The following MYRF variants were observed in gnomAD, a reference collection of about 807,000 sequenced individuals.
MYRF encodes myelin gene regulatory factor.
MYRF carries 16 observed loss-of-function variants against 126.3 expected under a neutral mutation model. That is an observed-to-expected ratio of 0.13 (90% CI 0.09 to 0.19). The LOEUF is 0.19. Among genes scored for constraint, MYRF ranks in the 10% least tolerant of loss-of-function variants. The pLI is 1.00. For missense variants in MYRF, 1,104 were observed against 1,547.0 expected (o/e 0.71, Z 4.80); for synonymous variants, 608 against 635.3 (o/e 0.96, Z 0.65).
intron 14 of MYRF, 82 bp from the exon 15 acceptor site, chr11:61,779,180 CT>C: frequency 2.8e-6 from 4 of 1,433,666 alleles, no homozygotes; most frequent in Admixed American, 4.5e-5. Flanking sequence ...CTCCTGCCCC[CT>C]GATGTCTGGC....
At position 61,764,253 on chromosome 11, in the gene MYRF, G is replaced by A. The variant is rs1350959789; in HGVS notation, c.47-1372G>A. 2.0e-5 allele frequency among the ~76,000 whole-genome samples: 3 copies of A among 152,242 alleles called. No individual in the cohort carries two copies. In the East Asian group the frequency reaches 5.8e-4, roughly 29 times the overall value. ...TTGAAATGCCGGCTGAGGCCAGGGA[G>A]GGGCCTGGGCGGGGGGCTCCCGGGG... On this transcript the variant is annotated intron_variant, in intron 1 of 26. Coordinates refer to ENST00000278836, the MANE Select transcript of MYRF (RefSeq NM_001127392.3).
chr11:61,778,370 C>G lies in MYRF; in HGVS notation c.1904-10C>G. The G allele has an allele frequency of 6.2e-7, 1 of 1,604,502 alleles. No homozygotes were observed. Among genetic ancestry groups the G allele is most frequent in the Non-Finnish European group, 8.5e-7 (1 of 1,171,374 alleles). On this transcript the variant is annotated splice_polypyrimidine_tract_variant and intron_variant, in intron 13 of 26. Coordinates refer to ENST00000278836, the MANE Select transcript of MYRF (RefSeq NM_001127392.3). The surrounding 1 kb of genome is among the most constrained non-coding windows in gnomAD (Gnocchi z 4.6). ...CCCCCACCCATCTTTGGCTTGTCCCCTGCCCCCAGGTGTCATCGCTCAGGA... is the reference window on the plus strand; with the variant it reads ...CCCCCACCCATCTTTGGCTTGTCCCGTGCCCCCAGGTGTCATCGCTCAGGA...
In MYRF at chr11:61,784,223, G is replaced by A. The variant is rs560181007; in HGVS notation, c.3195-57G>A. ...GCGTGTGGCAGGCTGGCTGGGAGGG[G>A]GCTGGGGTTGAGGGACTCTAGAACC... On this transcript the variant is annotated intron_variant, in intron 24 of 26. Transcript: ENST00000278836. The A allele has an allele frequency of 3.4e-5, 51 of 1,515,832 alleles. 1 individual carries two copies. The South Asian group carries it at 3.8e-4, about 11-fold the overall frequency. The allele number at this position is 1,515,832 out of a possible 1,614,324, so 93.9% of individuals were successfully genotyped here.
chr11:61,762,729 G>A (rs903513136), intron 1 of MYRF, among the ~76,000 whole-genome samples: 2 of 152,132 alleles, frequency 1.3e-5, no homozygotes, highest in African/African-American at 2.4e-5. Flanking sequence ...GAGACGACGC[G>A]GCCTCCAGGG....
intron 1 of MYRF, among the ~76,000 whole-genome samples, chr11:61,758,540 C>T (rs2065820892): frequency 6.6e-6 from 1 of 152,180 alleles, no homozygotes; most frequent in African/African-American, 2.4e-5. Flanking sequence ...TGGCCACTAA[C>T]CTAACCCATG....
chr11:61,781,513 C>T (rs762622213), intron 21 of MYRF, 60 bp from the exon 22 acceptor site: 11 of 1,576,664 alleles, frequency 7.0e-6, no homozygotes, highest in Non-Finnish European at 9.5e-6. Flanking sequence ...GCCCTAGAGA[C>T]AGCTGGACAG....
At chr11:61,764,737 C>T (rs909240972) in intron 1 of MYRF, among the ~76,000 whole-genome samples, 3 of 152,224 alleles carry the variant, frequency 2.0e-5, no homozygotes, top group African/African-American at 4.8e-5. Flanking sequence ...GCACCTCCCC[C>T]GTCCTCCCTC....
chr11:61,777,915 C>T lies in MYRF; in HGVS notation c.1903+70C>T. 1 of 1,241,598 alleles carries T rather than the reference C, an allele frequency of 8.1e-7. No homozygotes were observed. Among genetic ancestry groups the T allele is most frequent in the South Asian group, 1.3e-5 (1 of 77,746 alleles). The allele number at this position is 1,241,598 out of a possible 1,614,324, so 76.9% of individuals were successfully genotyped here. ...CCTCGGGCCTCAGTGACCTTGCCCC[C>T]TGTCACCTGGAAATCCTACTCCTCT... On this transcript the variant is annotated intron_variant, in intron 13 of 26. Coordinates refer to ENST00000278836, the MANE Select transcript of MYRF (RefSeq NM_001127392.3). This position sits in a 1 kb window ranked among gnomAD's most constrained non-coding sequence, Gnocchi z 8.8.
intron 7 of MYRF, among the ~76,000 whole-genome samples, chr11:61,772,405 C>G (rs1021219370): frequency 6.6e-6 from 1 of 152,228 alleles, no homozygotes; most frequent in Non-Finnish European, 1.5e-5. Flanking sequence ...CTTTCCAGGC[C>G]GCAGGCCGGG....
Position 61,752,772 on chromosome 11 carries a change from C to T in MYRF, c.28C>T (p.Leu10=), listed in dbSNP as rs537600239. Residue 10 remains leucine (L), a synonymous_variant, in exon 1 of 27, where the codon CTG becomes TTG. Transcript: ENST00000278836. ...GGAGGTGGTGGACGAGACGGAGGCG[C>T]TGCAGCGCTTCTTCGAAGGTGAGAG... MEVVDETEA[L]QRFFEGHDIN... is the part of the protein sequence containing the mutation. 2.0e-6 allele frequency: 3 copies of T among 1,487,926 alleles called. No individual in the cohort carries two copies. In the South Asian group the frequency reaches 3.9e-5, roughly 19 times the overall value. The allele number at this position is 1,487,926 out of a possible 1,614,324, so 92.2% of individuals were successfully genotyped here.
Position 61,770,145 on chromosome 11 carries a change from C to T in MYRF, c.461-101C>T, listed in dbSNP as rs1591101542. 34 of 1,243,370 alleles carry T rather than the reference C, an allele frequency of 2.7e-5. No homozygotes were observed. In the East Asian group the frequency reaches 8.8e-4, roughly 32 times the overall value. 77.0% of individuals were successfully genotyped at this position (1,243,370 alleles called of 1,614,324 possible). A position where few individuals can be genotyped will look rare whatever the true frequency, so the allele number is the denominator to read the frequency against. On this transcript the variant is annotated intron_variant, in intron 4 of 26. Transcript: ENST00000278836. Reference sequence around the variant, plus strand: ...TGGGGGGCAGCCCCCGGGCTTGGCTCAGGACGGGGTGGAAGCAGGAGACTC... The same window carrying T: ...TGGGGGGCAGCCCCCGGGCTTGGCTTAGGACGGGGTGGAAGCAGGAGACTC...
intron 1 of MYRF, among the ~76,000 whole-genome samples, chr11:61,761,129 A>G (rs1490774942): frequency 6.6e-6 from 1 of 152,092 alleles, no homozygotes; most frequent in African/African-American, 2.4e-5. Context: ...TTGGGGCATG[A>G]ATTGACAAGT....
chr11:61,776,723 G>C lies in MYRF; in HGVS notation c.1500-64G>C. 1 of 1,316,444 alleles carries C rather than the reference G, an allele frequency of 7.6e-7. No homozygotes were observed. The highest frequency in any genetic ancestry group is 1.1e-6 in the Non-Finnish European group (1 of 950,028). 81.5% of individuals were successfully genotyped at this position (1,316,444 alleles called of 1,614,324 possible). A position where few individuals can be genotyped will look rare whatever the true frequency, so the allele number is the denominator to read the frequency against. ...GTGAGATGAACATGCATCTGGCCAG[G>C]GAAAGGGTGGCCCTGGGGGCGGGGG... On this transcript the variant is annotated intron_variant, in intron 10 of 26. Transcript: ENST00000278836. The surrounding 1 kb of genome is among the most constrained non-coding windows in gnomAD (Gnocchi z 4.3).
chr11:61,765,764 T>C, intron 2 of MYRF, 52 bp downstream of exon 2: 1 of 1,547,092 alleles, frequency 6.5e-7, no homozygotes, highest in South Asian at 1.2e-5. Context: ...GCCCTTCGCC[T>C]CCCTTCTGTC....
intron 7 of MYRF, among the ~76,000 whole-genome samples, chr11:61,772,937 T>C (rs1407570053): frequency 2.0e-5 from 3 of 151,560 alleles, no homozygotes; most frequent in African/African-American, 7.3e-5. Context: ...CACTGGGCAC[T>C]CCTGTGACCA....
At chr11:61,784,090 A>G in intron 24 of MYRF, 165 bp downstream of exon 24, 1 of 1,010,466 alleles carries the variant, frequency 9.9e-7, no homozygotes, top group East Asian at 2.6e-5. Context: ...AACTGGCTAA[A>G]TGACCTGGCC....
Position 61,771,543 on chromosome 11 carries a change from C to G in MYRF, c.784C>G (p.Pro262Ala), listed in dbSNP as rs144545667. 7.4e-6 allele frequency: 12 copies of G among 1,614,002 alleles called. No individual in the cohort carries two copies. The highest frequency in any genetic ancestry group is 4.4e-5 in the South Asian group (4 of 91,078). Residue 262 changes from proline to alanine, a missense_variant, in exon 6 of 27, where the codon CCC becomes GCC. Transcript: ENST00000278836. ...CAAGAAGAGGAAGCACTCTGAATCC[C>G]CCCCCAGCACCCTCAATGCCCAGAT... ...PSKKRKHSES[P>A]PSTLNAQMLN...
At chr11:61,784,547 G>A (rs897748215) in intron 25 of MYRF, 162 bp downstream of exon 25, 7 of 616,742 alleles carry the variant, frequency 1.1e-5, no homozygotes, top group Middle Eastern at 8.6e-4. Context: ...CCCAGGGAGG[G>A]GCACGCGTGC....
chr11:61,776,115 G>T lies in MYRF; in HGVS notation c.1371G>T (p.Arg457=), dbSNP rs1302661924. 1 of 1,614,046 alleles carries T rather than the reference G, an allele frequency of 6.2e-7. No homozygotes were observed. Among genetic ancestry groups the T allele is most frequent in the East Asian group, 2.2e-5 (1 of 44,882 alleles). Residue 457 remains arginine (R), a synonymous_variant, in exon 9 of 27, where the codon CGG becomes CGT. Transcript: ENST00000278836. The surrounding 1 kb of genome is among the most constrained non-coding windows in gnomAD (Gnocchi z 4.3). ...IEQSQSDRSK[R]PFNPVTVNLP... is the part of the protein sequence containing the mutation. ...AGTCCCAGTCAGACCGGAGCAAGCG[G>T]CCCTTCAACCCGGTCACGTGAGTGT...
Sources: gnomAD v4.1 joint callset for allele counts (sites outside exome capture counted in the v4.1 genomes callset) on GRCh38, gnomAD v4.1.1 for gene constraint, Gnocchi (gnomAD v3.1) non-coding constraint, MANE v1.5 for transcripts, NCBI Gene and HGNC (gene_info 2026-07-23, HGNC 2026-07-21) for gene names.